LRMDA: variants seen among roughly 807,000 people sequenced by gnomAD.
LRMDA encodes the protein leucine-rich melanocyte differentiation-associated protein.
LRMDA carries 18 observed loss-of-function variants against 29.8 expected under a neutral mutation model. The ratio of observed to expected loss-of-function variants is 0.60; its 90% CI spans 0.42 to 0.90. The LOEUF (loss-of-function observed/expected upper bound fraction) is 0.90. LRMDA is among the 40% of genes least tolerant of loss of function. The pLI is 0.00. For missense variants in LRMDA, 273 were observed against 273.9 expected (o/e 1.00, Z 0.02); for synonymous variants, 125 against 109.4 (o/e 1.14, Z -0.89).
intron 2 of LRMDA, among the ~76,000 whole-genome samples, chr10:75,636,913 A>G (rs1359152630): frequency 6.6e-6 from 1 of 152,248 alleles, no homozygotes; most frequent in Admixed American, 6.5e-5. Context: ...AAACAAAAAC[A>G]GAAAACAACC....
rs75162216 is a variant in LRMDA, at chr10:75,967,926, G to A, written c.132-68082G>A. On this transcript the variant is annotated intron_variant, in intron 2 of 6. Transcript: ENST00000611255. Reference sequence around the variant, plus strand: ...TCAGGAGGAACCTGTAATGTGTCCCGTTCCATTTAAGACCCCCTTCCACTC... The same window carrying A: ...TCAGGAGGAACCTGTAATGTGTCCCATTCCATTTAAGACCCCCTTCCACTC... Among the ~76,000 whole-genome samples the A allele has an allele frequency of 8.0e-3, 1,211 of 152,222 alleles. 16 individuals are homozygous for A. Among genetic ancestry groups the A allele is most frequent in the African/African-American group, 0.028 (1,149 of 41,522 alleles).
At chr10:75,849,465 G>T (rs948018187) in intron 2 of LRMDA, among the ~76,000 whole-genome samples, 6 of 152,094 alleles carry the variant, frequency 3.9e-5, no homozygotes, top group Admixed American at 1.3e-4. Flanking sequence ...GACATGGATG[G>T]AGCTGGAAGC....
intron 6 of LRMDA, among the ~76,000 whole-genome samples, chr10:76,541,938 T>C (rs575566473): frequency 1.3e-5 from 2 of 152,346 alleles, no homozygotes; most frequent in African/African-American, 2.4e-5. Context: ...GCAAGTTGAG[T>C]GTAATTGCTA....
chr10:75,483,225 G>A (rs1454049881), intron 2 of LRMDA, among the ~76,000 whole-genome samples: 5 of 152,138 alleles, frequency 3.3e-5, no homozygotes, highest in East Asian at 3.9e-4. Flanking sequence ...GGAATTATAG[G>A]TGTGAGCCAC....
rs145277028 is a variant in LRMDA, at chr10:76,139,503, C to T, written c.516+80720C>T. Among the ~76,000 whole-genome samples the T allele has an allele frequency of 1.8e-4, 28 of 152,232 alleles. No homozygotes were observed. The South Asian group carries it at 2.9e-3, about 16-fold the overall frequency. ...TAAACTGATGTTTTGATTTGGTAGC[C>T]ATAATTTCTAAGTCTGTTGATAGAA... On this transcript the variant is annotated intron_variant, in intron 5 of 6. Transcript: ENST00000611255.
At chr10:76,087,795 C>A (rs1849161109) in intron 5 of LRMDA, among the ~76,000 whole-genome samples, 1 of 152,168 alleles carries the variant, frequency 6.6e-6, no homozygotes, top group Admixed American at 6.5e-5. Context: ...GTGACACAAA[C>A]TTTGATTTCC....
intron 5 of LRMDA, among the ~76,000 whole-genome samples, chr10:76,176,287 T>G (rs77014571): frequency 2.7e-3 from 406 of 152,290 alleles, no homozygotes; most frequent in Middle Eastern, 6.8e-3. Flanking sequence ...TATGCAATTA[T>G]GGCAGAAAAT....
chr10:75,949,607 C>G (rs1331387387), intron 2 of LRMDA, among the ~76,000 whole-genome samples: 1 of 152,124 alleles, frequency 6.6e-6, no homozygotes, highest in African/African-American at 2.4e-5. Context: ...CCCTTCCTCT[C>G]TCATCCTTTG....
intron 6 of LRMDA, among the ~76,000 whole-genome samples, chr10:76,416,476 C>T (rs539270654): frequency 2.0e-5 from 3 of 152,238 alleles, no homozygotes; most frequent in East Asian, 3.9e-4. Context: ...ACTATGCTGC[C>T]TTTTTTCCCA....
intron 2 of LRMDA, among the ~76,000 whole-genome samples, chr10:75,793,658 G>GTAATCA (rs1410094799): frequency 6.6e-6 from 1 of 152,124 alleles, no homozygotes; most frequent in East Asian, 1.9e-4. Context: ...ATGTTACTTT[G>GTAATCA]TAATCATATC....
chr10:76,217,781 G>A (rs936589248), intron 5 of LRMDA, among the ~76,000 whole-genome samples: 3 of 152,158 alleles, frequency 2.0e-5, no homozygotes, highest in African/African-American at 7.2e-5. Context: ...AGCCTCATCT[G>A]TTTTTACTTC....
chr10:76,327,476 C>A (rs1209879008), intron 6 of LRMDA, among the ~76,000 whole-genome samples: 14 of 152,154 alleles, frequency 9.2e-5, no homozygotes, highest in Admixed American at 5.9e-4. Flanking sequence ...TTGCCTGATA[C>A]CCCCTACACA....
At chr10:75,939,633 C>T (rs1307004029) in intron 2 of LRMDA, among the ~76,000 whole-genome samples, 1 of 152,174 alleles carries the variant, frequency 6.6e-6, no homozygotes, top group African/African-American at 2.4e-5. Context: ...AGAGAGGTCA[C>T]ATTCCACTTT....
chr10:75,583,709 T>C (rs1840622833), intron 2 of LRMDA, among the ~76,000 whole-genome samples: 1 of 152,178 alleles, frequency 6.6e-6, no homozygotes, highest in Non-Finnish European at 1.5e-5. Flanking sequence ...TTGTATTTTT[T>C]TCAATTGCTG....
chr10:76,283,307 T>C (rs1382115764), intron 5 of LRMDA, among the ~76,000 whole-genome samples: 1 of 152,052 alleles, frequency 6.6e-6, no homozygotes, highest in Non-Finnish European at 1.5e-5. Flanking sequence ...AAAAATAAGA[T>C]TGGAAGCAGC....
chr10:76,498,286 T>C lies in LRMDA; in HGVS notation c.602-58923T>C, dbSNP rs1234869787. ...GCAAGCCTCAAAGGCCTCTCATAAA[T>C]CCAAGCCAAACACTGTGTTAGGAGG... On this transcript the variant is annotated intron_variant, in intron 6 of 6. Transcript: ENST00000611255. Among the ~76,000 whole-genome samples, 4 of 75,380 alleles carry C rather than the reference T, an allele frequency of 5.3e-5. 2 individuals are homozygous for C. The highest frequency in any genetic ancestry group is 1.8e-4 in the Non-Finnish European group (4 of 22,698). 49.5% of individuals were successfully genotyped at this position (75,380 alleles called of 152,430 possible).
chr10:75,816,275 G>A (rs994441468), intron 2 of LRMDA, among the ~76,000 whole-genome samples: 1 of 152,190 alleles, frequency 6.6e-6, no homozygotes, highest in African/African-American at 2.4e-5. Flanking sequence ...AGTGCATGAA[G>A]CGTCAGAGAG....
chr10:75,877,511 G>C (rs549061199), intron 2 of LRMDA, among the ~76,000 whole-genome samples: 1 of 152,218 alleles, frequency 6.6e-6, no homozygotes, highest in African/African-American at 2.4e-5. Context: ...TGTGTTTGTA[G>C]CTCCACACCT....
chr10:76,218,761 G>A (rs1420644890), intron 5 of LRMDA, among the ~76,000 whole-genome samples: 1 of 149,384 alleles, frequency 6.7e-6, no homozygotes, highest in Admixed American at 6.8e-5. Flanking sequence ...AGAATTGCAG[G>A]TGAGAATAGC....
Sources: allele counts gnomAD v4.1 joint callset (sites outside exome capture counted in the v4.1 genomes callset), GRCh38; gene constraint gnomAD v4.1.1; transcripts MANE v1.5; gene names NCBI Gene and HGNC (gene_info 2026-07-23, HGNC 2026-07-21).